The following UBA2 variants were observed in gnomAD, a reference collection of about 807,000 sequenced individuals.
UBA2 encodes SUMO-activating enzyme subunit 2.
A neutral mutation model predicts 77.2 loss-of-function variants in UBA2; 11 were observed. The observed-to-expected ratio is 0.14, with a 90% CI of 0.09 to 0.24. UBA2 has a LOEUF of 0.24. Ranked by LOEUF, UBA2 falls within the 10% of genes least tolerant of loss-of-function variation. UBA2 has a pLI of 1.00. For missense variants in UBA2, 487 were observed against 781.7 expected (o/e 0.62, Z 4.50); for synonymous variants, 278 against 276.7 (o/e 1.00, Z -0.05).
intron 12 of UBA2, among the ~76,000 whole-genome samples, chr19:34,457,607 C>T (rs4548999): frequency 1.9e-3 from 291 of 152,192 alleles, no homozygotes; most frequent in African/African-American, 6.8e-3. Flanking sequence ...ATTCATTGTA[C>T]GGAGAAGCTA....
At chr19:34,452,240 T>G (rs2075509166) in intron 10 of UBA2, 93 bp downstream of exon 10, 1 of 1,148,052 alleles carries the variant, frequency 8.7e-7, no homozygotes, top group Admixed American at 2.5e-5. Context: ...TTTGAATATT[T>G]ACTAGATTTT....
chr19:34,456,175 T>G (rs2075560767), intron 12 of UBA2, among the ~76,000 whole-genome samples: 1 of 142,402 alleles, frequency 7.0e-6, no homozygotes, highest in South Asian at 2.2e-4. Flanking sequence ...AGTACAGTGA[T>G]GTGATCTCGG....
intron 5 of UBA2, among the ~76,000 whole-genome samples, chr19:34,435,320 C>G (rs977210330): frequency 6.6e-6 from 1 of 152,092 alleles, no homozygotes; most frequent in Admixed American, 6.6e-5. Flanking sequence ...ATCACTTGAA[C>G]CTGAGAGGCA....
At chr19:34,455,586 T>G (rs945068220) in intron 12 of UBA2, among the ~76,000 whole-genome samples, 6 of 152,208 alleles carry the variant, frequency 3.9e-5, no homozygotes, top group Non-Finnish European at 7.3e-5. Flanking sequence ...TTCAGAAATT[T>G]CAAAAAATAT....
chr19:34,452,230 T>C, intron 10 of UBA2, 83 bp downstream of exon 10: 1 of 1,220,922 alleles, frequency 8.2e-7, no homozygotes, highest in East Asian at 2.5e-5. Flanking sequence ...CTAGTCATTT[T>C]TTGAATATTT....
chr19:34,458,525 C>T (rs1415909766), intron 12 of UBA2, among the ~76,000 whole-genome samples: 3 of 130,628 alleles, frequency 2.3e-5, no homozygotes, highest in African/African-American at 8.8e-5. Flanking sequence ...TGCGCCACTG[C>T]ACTCCAGCCT....
At chr19:34,442,428 G>A (rs1169453600) in intron 6 of UBA2, among the ~76,000 whole-genome samples, 1 of 152,116 alleles carries the variant, frequency 6.6e-6, no homozygotes, top group African/African-American at 2.4e-5. Context: ...ATACCATTAA[G>A]TAAAAAATGA....
At chr19:34,438,907 T>A in intron 6 of UBA2, 141 bp downstream of exon 6, 2 of 1,208,282 alleles carry the variant, frequency 1.7e-6, no homozygotes, top group Non-Finnish European at 2.3e-6. Context: ...CTTGCAGTAT[T>A]TCTTAGGTTA....
intron 13 of UBA2, among the ~76,000 whole-genome samples, chr19:34,459,931 T>A (rs2075612350): frequency 1.3e-5 from 2 of 152,344 alleles, no homozygotes; most frequent in Admixed American, 1.3e-4. Flanking sequence ...CTTTGGTATC[T>A]CCTGATTCTT....
chr19:34,435,493 A>G (rs2145496003), intron 5 of UBA2, among the ~76,000 whole-genome samples: 1 of 152,276 alleles, frequency 6.6e-6, no homozygotes, highest in African/African-American at 2.4e-5. Flanking sequence ...CTTTTGTATT[A>G]AAATCCTTAG....
chr19:34,462,070 C>T (rs1258904462), intron 14 of UBA2, among the ~76,000 whole-genome samples: 1 of 152,118 alleles, frequency 6.6e-6, no homozygotes, highest in Non-Finnish European at 1.5e-5. Context: ...GAGGGGTTGG[C>T]AGCAGTGGTG....
intron 8 of UBA2, among the ~76,000 whole-genome samples, chr19:34,448,629 G>C (rs984680053): frequency 5.9e-5 from 9 of 152,274 alleles, no homozygotes; most frequent in African/African-American, 1.4e-4. Context: ...AGGCAGATGT[G>C]TGTAGAGGGG....
chr19:34,467,333 A>C (rs1476956210), intron 16 of UBA2, among the ~76,000 whole-genome samples: 1 of 151,928 alleles, frequency 6.6e-6, no homozygotes, highest in African/African-American at 2.4e-5. Flanking sequence ...TTAACCACGC[A>C]TGGTAGCGTG....
intron 5 of UBA2, among the ~76,000 whole-genome samples, chr19:34,437,987 G>A (rs891850759): frequency 3.3e-5 from 5 of 152,072 alleles, no homozygotes; most frequent in African/African-American, 1.2e-4. Context: ...CCTGGGAGGC[G>A]GAGATTGCAG....
At chr19:34,461,058 A>C (rs1170894437) in intron 14 of UBA2, among the ~76,000 whole-genome samples, 1 of 152,208 alleles carries the variant, frequency 6.6e-6, no homozygotes, top group East Asian at 1.9e-4. Flanking sequence ...GGTACAATAC[A>C]TTTGATTCTG....
intron 12 of UBA2, among the ~76,000 whole-genome samples, chr19:34,457,917 T>C (rs1038052833): frequency 2.0e-5 from 3 of 152,204 alleles, no homozygotes; most frequent in Non-Finnish European, 2.9e-5. Flanking sequence ...AGAGAAATGG[T>C]AAATAGGTAC....
At chr19:34,442,874 G>T (rs1207555611) in intron 6 of UBA2, among the ~76,000 whole-genome samples, 1 of 152,194 alleles carries the variant, frequency 6.6e-6, no homozygotes, top group Non-Finnish European at 1.5e-5. Flanking sequence ...ACATGCCATT[G>T]TTGGGAGTGA....
chr19:34,457,316 G>A lies in UBA2; in HGVS notation c.1246-1453G>A, dbSNP rs907850639. 2.7e-5 allele frequency among the ~76,000 whole-genome samples: 4 copies of A among 150,184 alleles called. No individual in the cohort carries two copies. The East Asian group carries it at 5.9e-4, about 22-fold the overall frequency. On this transcript the variant is annotated intron_variant, in intron 12 of 16. Coordinates refer to ENST00000246548, the MANE Select transcript of UBA2 (RefSeq NM_005499.3). Reference sequence around the variant, plus strand: ...TGGGAGGCGGAAGTTGCATTAAGCCGAGATCGCGCCATTGCACTCCAGCCT... The same window carrying A: ...TGGGAGGCGGAAGTTGCATTAAGCCAAGATCGCGCCATTGCACTCCAGCCT...
intron 8 of UBA2, among the ~76,000 whole-genome samples, chr19:34,446,975 A>T (rs1465886271): frequency 6.6e-6 from 1 of 152,174 alleles, no homozygotes. Context: ...ACATGGTTGT[A>T]TTAGGGTTCT....
Sources: allele counts gnomAD v4.1 joint callset (sites outside exome capture counted in the v4.1 genomes callset), GRCh38; gene constraint gnomAD v4.1.1; transcripts MANE v1.5; gene names NCBI Gene and HGNC (gene_info 2026-07-23, HGNC 2026-07-21).